The following RFC3 variants were observed in gnomAD, a reference collection of about 807,000 sequenced individuals.
RFC3 encodes replication factor C subunit 3.
In RFC3, 41 loss-of-function variants were observed where a neutral mutation model predicts 45.1. The ratio of observed to expected loss-of-function variants is 0.91; its 90% CI spans 0.71 to 1.18. RFC3 has a LOEUF of 1.18. RFC3 is among the 50% of genes most tolerant of loss of function. The pLI is 0.00. For synonymous variants in RFC3, 149 were observed against 144.0 expected (o/e 1.03, Z -0.25); for missense variants, 423 against 428.1 (o/e 0.99, Z 0.10).
chr13:33,828,476 A>G (rs756384621), intron 4 of RFC3, among the ~76,000 whole-genome samples: 2 of 152,216 alleles, frequency 1.3e-5, no homozygotes, highest in Non-Finnish European at 2.9e-5. Flanking sequence ...ACCTTACTGC[A>G]TCAGGGTTCC....
At chr13:33,973,807 C>T in the RFC3 span, among the ~76,000 whole-genome samples, 411 of 152,062 alleles carry the variant, frequency 2.7e-3, no homozygotes, top group Non-Finnish European at 4.1e-3. Context: ...TGCACCATCA[C>T]GCCTGGCTAA....
chr13:33,819,838 C>G (rs965109034), intron 1 of RFC3, among the ~76,000 whole-genome samples: 5 of 152,108 alleles, frequency 3.3e-5, no homozygotes, highest in African/African-American at 1.2e-4. Context: ...GCAGCTTAAT[C>G]AAACTATGAA....
rs372589710 is a variant in RFC3, at chr13:33,835,260, T to G, written c.879+43T>G. 85 of 1,301,668 alleles carry G rather than the reference T, an allele frequency of 6.5e-5. No homozygotes were observed. In the African/African-American group the frequency reaches 1.2e-3, roughly 18 times the overall value. 80.6% of individuals were successfully genotyped at this position (1,301,668 alleles called of 1,614,324 possible). ...CTTGAACTTTTTACAGCTATAAAAT[T>G]TGGACGCTGGGTGTGTGATCATAGG... On this transcript the variant is annotated intron_variant, in intron 8 of 8. Coordinates refer to ENST00000380071, the MANE Select transcript of RFC3 (RefSeq NM_002915.4).
At chr13:33,962,857 A>C (rs1040267401) in intron 8 of RFC3, among the ~76,000 whole-genome samples, 4 of 152,092 alleles carry the variant, frequency 2.6e-5, no homozygotes, top group African/African-American at 9.7e-5. Context: ...TTTTTAGTTG[A>C]GATTCTCTGA....
chr13:33,844,938 C>T (rs1490445034), intron 8 of RFC3, among the ~76,000 whole-genome samples: 1 of 152,116 alleles, frequency 6.6e-6, no homozygotes, highest in Non-Finnish European at 1.5e-5. Context: ...GCGAAGAAAT[C>T]CCTTTGGCAT....
At chr13:33,861,433 G>T (rs2082340331) in intron 8 of RFC3, among the ~76,000 whole-genome samples, 1 of 152,078 alleles carries the variant, frequency 6.6e-6, no homozygotes, top group Non-Finnish European at 1.5e-5. Context: ...TTTGAGACCA[G>T]CCTGGCCAAC....
intron 8 of RFC3, among the ~76,000 whole-genome samples, chr13:33,906,775 C>T (rs1404045160): frequency 6.6e-6 from 1 of 151,952 alleles, no homozygotes; most frequent in Non-Finnish European, 1.5e-5. Context: ...GTAGTGAGGG[C>T]CAAATGGTAT....
Position 33,835,196 on chromosome 13 carries a change from T to C in RFC3, c.858T>C (p.Ile286=). 6.2e-7 allele frequency: 1 copy of C among 1,610,128 alleles called. No individual in the cohort carries two copies. Residue 286 remains isoleucine, a synonymous_variant, in exon 8 of 9, where the codon ATT becomes ATC. Coordinates refer to ENST00000380071, the MANE Select transcript of RFC3 (RefSeq NM_002915.4). Reference sequence around the variant, plus strand: ...TGTATGAGCTTCTAACTCATTGTATTCCTCCTGAGATAATAATGAAGGTAA... The same window carrying C: ...TGTATGAGCTTCTAACTCATTGTATCCCTCCTGAGATAATAATGAAGGTAA... ...GRLYELLTHC[I]PPEIIMKGLL...
chr13:33,891,743 C>T (rs2082564574), intron 8 of RFC3, among the ~76,000 whole-genome samples: 1 of 152,116 alleles, frequency 6.6e-6, no homozygotes, highest in South Asian at 2.1e-4. Context: ...ACCAGATGCT[C>T]TACTTCTACA....
chr13:33,969,346 G>A (rs1245452653), downstream of RFC3, among the ~76,000 whole-genome samples: 1 of 152,194 alleles, frequency 6.6e-6, no homozygotes, highest in Non-Finnish European at 1.5e-5. Flanking sequence ...ACAGGAGACT[G>A]GAAGAAAGTC....
intron 8 of RFC3, among the ~76,000 whole-genome samples, chr13:33,922,150 C>CTTTT: frequency 7.9e-6 from 1 of 126,532 alleles, no homozygotes; most frequent in East Asian, 2.3e-4. Flanking sequence ...AGCTTCATTG[C>CTTTT]TTTTTTTTTT....
chr13:33,875,227 G>T (rs2082438517), intron 8 of RFC3, among the ~76,000 whole-genome samples: 1 of 152,212 alleles, frequency 6.6e-6, no homozygotes, highest in African/African-American at 2.4e-5. Context: ...TTTGAAGGTG[G>T]ATTTATTAGC....
At chr13:33,972,613 C>T in the RFC3 span, among the ~76,000 whole-genome samples, 4 of 152,172 alleles carry the variant, frequency 2.6e-5, no homozygotes, top group African/African-American at 4.8e-5. Context: ...TCACATTGTG[C>T]TTCTCCAAAT....
At chr13:33,840,551 A>G (rs1259647865), downstream of RFC3, among the ~76,000 whole-genome samples, 1 of 147,892 alleles carries the variant, frequency 6.8e-6, no homozygotes, top group Non-Finnish European at 1.5e-5. Flanking sequence ...TCATTATTAC[A>G]TTGTCATGTT....
intron 8 of RFC3, among the ~76,000 whole-genome samples, chr13:33,880,498 A>G (rs539781384): frequency 6.6e-6 from 1 of 152,314 alleles, no homozygotes; most frequent in Non-Finnish European, 1.5e-5. Flanking sequence ...AGGGCGTTCT[A>G]TAACTGCACA....
rs558842909 is a variant in RFC3, at chr13:33,951,068, A to T, written c.880-15019A>T. Among the ~76,000 whole-genome samples, 133 of 115,328 alleles carry T rather than the reference A, an allele frequency of 1.2e-3. 3 individuals are homozygous for T. The South Asian group carries it at 0.037, about 32-fold the overall frequency. The allele number at this position is 115,328 out of a possible 152,430, so 75.7% of individuals were successfully genotyped here. On this transcript the variant is annotated intron_variant, in intron 8 of 8. Transcript: ENST00000434425. ...TTTTTTTTTTTTTTTTTTTTTGGAA[A>T]TCTGTCATACTGTTATCAATAGAAA...
chr13:33,901,763 A>G (rs528342844), intron 8 of RFC3, among the ~76,000 whole-genome samples: 2 of 152,222 alleles, frequency 1.3e-5, no homozygotes, highest in Admixed American at 6.6e-5. Context: ...TGATCTTTAC[A>G]TGAAAGTATT....
chr13:33,821,601 G>A (rs1287826594), intron 2 of RFC3, among the ~76,000 whole-genome samples: 3 of 152,174 alleles, frequency 2.0e-5, no homozygotes, highest in Admixed American at 6.5e-5. Flanking sequence ...CAGTAGTGGG[G>A]ATGGAAAGAA....
At chr13:33,927,580 T>C (rs2082822210) in intron 8 of RFC3, among the ~76,000 whole-genome samples, 1 of 152,158 alleles carries the variant, frequency 6.6e-6, no homozygotes, top group Non-Finnish European at 1.5e-5. Flanking sequence ...AATTAAGGCT[T>C]GGAAAAGTTT....
Sources: gnomAD v4.1 joint callset for allele counts (sites outside exome capture counted in the v4.1 genomes callset) on GRCh38, gnomAD v4.1.1 for gene constraint, MANE v1.5 for transcripts, NCBI Gene and HGNC (gene_info 2026-07-23, HGNC 2026-07-21) for gene names.